Variants in ROBO1 observed in about 807,000 individuals in gnomAD.
The protein encoded by ROBO1 is roundabout guidance receptor 1.
A neutral mutation model predicts 195.9 loss-of-function variants in ROBO1; 149 were observed. The ratio of observed to expected loss-of-function variants is 0.76; its 90% CI spans 0.67 to 0.87. ROBO1 has a LOEUF of 0.87. Ranked by LOEUF, ROBO1 falls within the 40% of genes least tolerant of loss-of-function variation. ROBO1 has a pLI of 0.00. For missense variants in ROBO1, 1,933 were observed against 2,068.3 expected (o/e 0.93, Z 1.27); for synonymous variants, 816 against 733.2 (o/e 1.11, Z -1.82).
chr3:79,617,209 G>A (rs1041212845), intron 1 of ROBO1, among the ~76,000 whole-genome samples: 7 of 152,214 alleles, frequency 4.6e-5, no homozygotes, highest in Non-Finnish European at 1.0e-4. Context: ...CATAGTATGT[G>A]CTTCTGGTCA....
intron 2 of ROBO1, among the ~76,000 whole-genome samples, chr3:79,293,786 C>T (rs2032404100): frequency 6.6e-6 from 1 of 151,980 alleles, no homozygotes; most frequent in Non-Finnish European, 1.5e-5. Context: ...GGGCCGGGCG[C>T]GGTGGCTCAT....
intron 2 of ROBO1, among the ~76,000 whole-genome samples, chr3:79,305,657 C>T (rs1347658059): frequency 2.0e-5 from 3 of 151,792 alleles, no homozygotes; most frequent in African/African-American, 7.3e-5. Context: ...TTGATATGTA[C>T]AATTTCATGA....
At chr3:79,145,547 A>G (rs1451910132) in intron 2 of ROBO1, among the ~76,000 whole-genome samples, 1 of 152,036 alleles carries the variant, frequency 6.6e-6, no homozygotes, top group African/African-American at 2.4e-5. Flanking sequence ...AAATCTTGTC[A>G]TAAGACTTTG....
chr3:79,218,221 T>A (rs1277304520), intron 2 of ROBO1, among the ~76,000 whole-genome samples: 1 of 152,002 alleles, frequency 6.6e-6, no homozygotes, highest in East Asian at 1.9e-4. Context: ...TAATCCACTA[T>A]CTAAAAATTA....
At chr3:78,954,987 T>C (rs1342083335) in intron 3 of ROBO1, among the ~76,000 whole-genome samples, 2 of 150,302 alleles carry the variant, frequency 1.3e-5, no homozygotes, top group African/African-American at 2.4e-5. Context: ...TCAGGGGTCA[T>C]GTGCAGGTTG....
chr3:78,990,870 CTT>C (rs1327480083), intron 3 of ROBO1, among the ~76,000 whole-genome samples: 1 of 152,002 alleles, frequency 6.6e-6, no homozygotes, highest in Non-Finnish European at 1.5e-5. Context: ...ATAAATGAAA[CTT>C]AGCAAGCAAG....
intron 2 of ROBO1, among the ~76,000 whole-genome samples, chr3:79,519,017 C>T (rs77537811): frequency 0.011 from 1,619 of 152,144 alleles, 24 homozygotes; most frequent in African/African-American, 0.037. Flanking sequence ...TAACAGCATG[C>T]ATTTGTCATT....
chr3:79,320,410 C>A (rs2033928883), intron 2 of ROBO1, among the ~76,000 whole-genome samples: 1 of 152,178 alleles, frequency 6.6e-6, no homozygotes, highest in Non-Finnish European at 1.5e-5. Flanking sequence ...CTCGCTGCAG[C>A]CTTGACCTCC....
At chr3:79,164,111 T>G (rs2081020836) in intron 2 of ROBO1, among the ~76,000 whole-genome samples, 1 of 152,122 alleles carries the variant, frequency 6.6e-6, no homozygotes, top group African/African-American at 2.4e-5. Flanking sequence ...ATATTTAAAA[T>G]GGTCCAAGGG....
intron 2 of ROBO1, among the ~76,000 whole-genome samples, chr3:79,338,210 C>T (rs558860572): frequency 7.9e-5 from 12 of 152,238 alleles, no homozygotes; most frequent in Admixed American, 5.9e-4. Context: ...CATATCAGAA[C>T]ATTTACTTAT....
intron 25 of ROBO1, among the ~76,000 whole-genome samples, chr3:78,630,538 C>T (rs1304762777): frequency 5.9e-5 from 9 of 152,068 alleles, no homozygotes; most frequent in Non-Finnish European, 1.3e-4. Context: ...AATTCTCCAC[C>T]TTAAAGGAGT....
intron 8 of ROBO1, among the ~76,000 whole-genome samples, chr3:78,711,348 C>CTCCTTTCTTCCTTCCTTCCTTCCT (rs1575992298): frequency 1.8e-5 from 1 of 54,700 alleles, no homozygotes; most frequent in African/African-American, 9.2e-5. Flanking sequence ...TCCTTCCTTC[C>CTCCTTTCTTCCTTCCTTCCTTCCT]TCCTTCCTTC....
At chr3:78,860,075 T>A (rs2034703785) in intron 4 of ROBO1, among the ~76,000 whole-genome samples, 1 of 141,316 alleles carries the variant, frequency 7.1e-6, no homozygotes, top group Non-Finnish European at 1.5e-5. Flanking sequence ...CGAGACTTCG[T>A]CTCAAAAAAA....
chr3:78,907,241 T>A (rs2037977250), intron 4 of ROBO1, among the ~76,000 whole-genome samples: 1 of 152,022 alleles, frequency 6.6e-6, no homozygotes, highest in Non-Finnish European at 1.5e-5. Flanking sequence ...TTTGACCTTG[T>A]TGGCCCCTGA....
chr3:79,458,886 A>G (rs2039706949), intron 2 of ROBO1, among the ~76,000 whole-genome samples: 1 of 152,134 alleles, frequency 6.6e-6, no homozygotes, highest in Non-Finnish European at 1.5e-5. Context: ...TAATACTTAA[A>G]AAGGAAAAAA....
intron 1 of ROBO1, among the ~76,000 whole-genome samples, chr3:79,741,117 G>C (rs1243961167): frequency 2.0e-5 from 3 of 152,304 alleles, no homozygotes; most frequent in Admixed American, 2.0e-4. Flanking sequence ...GTGCTTAGGG[G>C]CTTGCTCTGT....
chr3:79,173,741 T>C (rs927059936), intron 2 of ROBO1, among the ~76,000 whole-genome samples: 2 of 152,168 alleles, frequency 1.3e-5, no homozygotes, highest in African/African-American at 4.8e-5. Context: ...CAGCTCCACC[T>C]GTGGCCCCAG....
intron 11 of ROBO1, 78 bp from the exon 12 acceptor site, chr3:78,668,643 T>C: frequency 7.6e-7 from 1 of 1,308,290 alleles, no homozygotes; most frequent in Non-Finnish European, 1.1e-6. Flanking sequence ...CAGGTTTGTA[T>C]ATGATCCATG....
intron 3 of ROBO1, among the ~76,000 whole-genome samples, chr3:79,067,727 C>G (rs1039043515): frequency 2.0e-5 from 3 of 151,974 alleles, no homozygotes; most frequent in Non-Finnish European, 4.4e-5. Flanking sequence ...GCAAATTAAA[C>G]TAAAACTTAG....
Sources: allele counts gnomAD v4.1 joint callset (sites outside exome capture counted in the v4.1 genomes callset), GRCh38; gene constraint gnomAD v4.1.1; transcripts MANE v1.5; gene names NCBI Gene and HGNC (gene_info 2026-07-23, HGNC 2026-07-21).